The following PRKACA variants were observed in gnomAD, a reference collection of about 807,000 sequenced individuals.
The protein encoded by PRKACA is cAMP-dependent protein kinase catalytic subunit alpha.
Under a neutral mutation model 45.8 loss-of-function variants are expected in PRKACA, and 9 were observed. That is an observed-to-expected ratio of 0.20 (90% confidence interval 0.12 to 0.34). The LOEUF is 0.34. PRKACA is among the 10% of genes least tolerant of loss of function. The pLI is 1.00. For missense variants in PRKACA, 238 were observed against 458.6 expected (o/e 0.52, Z 4.39); for synonymous variants, 160 against 178.6 (o/e 0.90, Z 0.83).
intron 1 of PRKACA, chr19:14,107,890 C>G (rs1227050901): frequency 1.0e-6 from 1 of 989,364 alleles, no homozygotes; most frequent in African/African-American, 1.7e-5. Context: ...CTGTTCCTCT[C>G]CGTGGCAATC....
intron 1 of PRKACA, among the ~76,000 whole-genome samples, chr19:14,111,185 G>A (rs1458842880): frequency 6.6e-6 from 1 of 152,202 alleles, no homozygotes; most frequent in Non-Finnish European, 1.5e-5. Context: ...ATCACCTGAG[G>A]TTGGGAGTTT....
chr19:14,098,228 A>G (rs1467553819), intron 5 of PRKACA: 1 of 220,890 alleles, frequency 4.5e-6, no homozygotes, highest in Non-Finnish European at 9.3e-6. Flanking sequence ...GATTCCATTT[A>G]TATCATGTCC....
chr19:14,100,611 G>C (rs1332305880), intron 5 of PRKACA, among the ~76,000 whole-genome samples: 1 of 152,116 alleles, frequency 6.6e-6, no homozygotes, highest in African/African-American at 2.4e-5. Context: ...ACTTCAGTTT[G>C]GACACCTAAG....
intron 1 of PRKACA, chr19:14,114,170 C>T (rs1163785276): frequency 1.2e-6 from 2 of 1,610,430 alleles, no homozygotes; most frequent in Non-Finnish European, 1.7e-6. Context: ...CAGTCCTGTT[C>T]TCAGGGCACC....
chr19:14,117,491 C>T lies in PRKACA; in HGVS notation c.46+11G>A, dbSNP rs776200517. ...CAGGGCCAAGATCGGGGTCACAGCC[C>T]GGGCACTCACCGCTCTCCTGCTCGC... is the stretch of plus-strand genomic sequence containing the variant. On this transcript the variant is annotated intron_variant, in intron 1 of 9. Transcript: ENST00000308677. 1.6e-6 allele frequency: 2 copies of T among 1,250,852 alleles called. No individual in the cohort carries two copies. Among genetic ancestry groups the T allele is most frequent in the Non-Finnish European group, 2.0e-6 (2 of 993,000 alleles). 77.5% of individuals were successfully genotyped at this position (1,250,852 alleles called of 1,614,324 possible). A position where few individuals can be genotyped will look rare whatever the true frequency, so the allele number is the denominator to read the frequency against.
intron 1 of PRKACA, chr19:14,108,034 C>T (rs1168881255): frequency 5.1e-6 from 5 of 985,776 alleles, no homozygotes; most frequent in Non-Finnish European, 6.0e-6. Context: ...GTGCCGGCTG[C>T]TGTCTACACT....
At chr19:14,093,872 C>T (rs1977168867) in intron 8 of PRKACA, 80 bp from the exon 9 acceptor site, 36 of 1,430,772 alleles carry the variant, frequency 2.5e-5, no homozygotes, top group Non-Finnish European at 2.9e-5. Context: ...CTCCATCCAA[C>T]GGTCCTACTG....
chr19:14,101,028 T>C (rs1317012179), intron 4 of PRKACA, 120 bp from the exon 5 acceptor site: 1 of 841,084 alleles, frequency 1.2e-6, no homozygotes, highest in East Asian at 2.6e-5. Context: ...CCTGGCTCCC[T>C]GTAGGAATCA....
chr19:14,092,141 A>T lies in PRKACA; in HGVS notation c.*971T>A, dbSNP rs540693985. The T allele has an allele frequency of 3.3e-5, 5 of 152,630 alleles. No individual in the cohort carries two copies. The South Asian group carries it at 1.0e-3, about 32-fold the overall frequency. The allele number at this position is 152,630 out of a possible 1,614,324, so 9.5% of individuals were successfully genotyped here. On this transcript the variant is annotated 3_prime_UTR_variant, in exon 10 of 10. Transcript: ENST00000308677. The stretch of plus-strand genomic sequence containing the variant: ...GATGCCCTCCCCACTCAGCTGAGGG[A>T]AGGCTGGACGTTAAAATCTAGCGGA...
chr19:14,092,030 ACAGG>A lies in PRKACA; in HGVS notation c.*1078_*1081del, dbSNP rs1161317707. On this transcript the variant is annotated 3_prime_UTR_variant, in exon 10 of 10. Coordinates refer to ENST00000308677, the MANE Select transcript of PRKACA (RefSeq NM_002730.4). Reference sequence around the variant, plus strand: ...AGGCGGAAGCTGGTGGGTGAGTAAAACAGGCAGCCCCTCCCCAGCAGCTCTAGCC... The same window carrying A: ...AGGCGGAAGCTGGTGGGTGAGTAAAACAGCCCCTCCCCAGCAGCTCTAGCC... 2 of 152,442 alleles carry A rather than the reference ACAGG, an allele frequency of 1.3e-5. No homozygotes were observed. Among genetic ancestry groups the A allele is most frequent in the Admixed American group, 6.5e-5 (1 of 15,302 alleles). 9.4% of individuals were successfully genotyped at this position (152,442 alleles called of 1,614,324 possible).
chr19:14,101,497 C>T (rs1366244603), intron 4 of PRKACA, among the ~76,000 whole-genome samples: 2 of 152,158 alleles, frequency 1.3e-5, no homozygotes, highest in East Asian at 3.9e-4. Flanking sequence ...GCCTGGGAGG[C>T]AAAGGTTGTG....
intron 1 of PRKACA, chr19:14,114,133 C>T: frequency 6.2e-7 from 1 of 1,611,224 alleles, no homozygotes; most frequent in South Asian, 1.1e-5. Flanking sequence ...CTCAGCCTCA[C>T]CATCGCTGGA....
chr19:14,100,752 C>G, intron 5 of PRKACA, 74 bp downstream of exon 5: 1 of 1,463,154 alleles, frequency 6.8e-7, no homozygotes, highest in Admixed American at 1.7e-5. Context: ...CTCTGCATTC[C>G]CAGGGGGCTT....
At chr19:14,110,308 C>T (rs961007198) in intron 1 of PRKACA, among the ~76,000 whole-genome samples, 2 of 151,662 alleles carry the variant, frequency 1.3e-5, no homozygotes, top group Non-Finnish European at 2.9e-5. Context: ...AAGAGTGAGA[C>T]TCTTTCTCAA....
At chr19:14,114,020 G>C in intron 1 of PRKACA, 2 of 1,241,378 alleles carry the variant, frequency 1.6e-6, no homozygotes, top group Non-Finnish European at 2.3e-6. Context: ...GGCCAGCCAG[G>C]GGTTCACATC....
chr19:14,102,121 G>A (rs567511663), intron 4 of PRKACA, among the ~76,000 whole-genome samples: 47 of 152,194 alleles, frequency 3.1e-4, no homozygotes, highest in African/African-American at 9.9e-4. Context: ...CCAAGATTGC[G>A]CCACTGCTCT....
chr19:14,114,499 T>C (rs1967066719), intron 1 of PRKACA, among the ~76,000 whole-genome samples: 1 of 152,026 alleles, frequency 6.6e-6, no homozygotes, highest in Non-Finnish European at 1.5e-5. Flanking sequence ...TAGGGTCTTC[T>C]TGGGGGGTGC....
chr19:14,115,289 G>T (rs1222686782), intron 1 of PRKACA: 1 of 189,894 alleles, frequency 5.3e-6, no homozygotes, highest in Non-Finnish European at 9.7e-6. Flanking sequence ...TGTTTAGAAT[G>T]AGCTCCAAGT....
intron 3 of PRKACA, among the ~76,000 whole-genome samples, chr19:14,105,284 G>A (rs1230111591): frequency 6.6e-6 from 1 of 152,100 alleles, no homozygotes; most frequent in African/African-American, 2.4e-5. Context: ...GGCTGAGGCG[G>A]GCGGATTACC....
Sources: gnomAD v4.1 joint callset for allele counts (sites outside exome capture counted in the v4.1 genomes callset) on GRCh38, gnomAD v4.1.1 for gene constraint, MANE v1.5 for transcripts, NCBI Gene and HGNC (gene_info 2026-07-23, HGNC 2026-07-21) for gene names.